CAB39L: variants seen among roughly 807,000 people sequenced by gnomAD.
CAB39L encodes the protein calcium-binding protein 39-like.
Under a neutral mutation model 39.1 loss-of-function variants are expected in CAB39L, and 23 were observed. That is an observed-to-expected ratio of 0.59 (90% confidence interval 0.42 to 0.83). The LOEUF is 0.83. Ranked by LOEUF, CAB39L falls within the 40% of genes least tolerant of loss-of-function variation. CAB39L has a pLI of 0.00. For missense variants in CAB39L, 366 were observed against 391.9 expected (o/e 0.93, Z 0.56); for synonymous variants, 126 against 137.2 (o/e 0.92, Z 0.57).
chr13:49,396,280 G>T (rs2138638402), intron 3 of CAB39L, among the ~76,000 whole-genome samples: 1 of 151,970 alleles, frequency 6.6e-6, no homozygotes, highest in East Asian at 1.9e-4. Flanking sequence ...CCTCACATAA[G>T]TTTATTTTAC....
chr13:49,439,252 T>C (rs1207939720), intron 1 of CAB39L, among the ~76,000 whole-genome samples: 2 of 152,174 alleles, frequency 1.3e-5, no homozygotes, highest in Non-Finnish European at 2.9e-5. Flanking sequence ...TTTCTTTTTT[T>C]CCCCTGAAAA....
At chr13:49,419,028 T>G (rs1957129095) in intron 3 of CAB39L, among the ~76,000 whole-genome samples, 1 of 152,182 alleles carries the variant, frequency 6.6e-6, no homozygotes, top group Non-Finnish European at 1.5e-5. Flanking sequence ...GGTGCAGTGG[T>G]GCGATCTCGG....
intron 9 of CAB39L, among the ~76,000 whole-genome samples, chr13:49,336,479 G>A (rs1465675220): frequency 6.6e-6 from 1 of 152,176 alleles, no homozygotes; most frequent in Non-Finnish European, 1.5e-5. Flanking sequence ...TGAAAAACAG[G>A]AAAGATGCCT....
chr13:49,427,590 G>A (rs1215739645), intron 3 of CAB39L, among the ~76,000 whole-genome samples: 1 of 151,694 alleles, frequency 6.6e-6, no homozygotes, highest in South Asian at 2.1e-4. Context: ...TTGGGAGACT[G>A]ATATGGGAAG....
chr13:49,329,990 C>T (rs548308364), intron 10 of CAB39L, among the ~76,000 whole-genome samples: 7 of 152,202 alleles, frequency 4.6e-5, no homozygotes, highest in African/African-American at 1.2e-4. Context: ...AGGGGCTAAA[C>T]GTGAATCTTG....
intron 3 of CAB39L, among the ~76,000 whole-genome samples, chr13:49,394,535 C>A (rs1278062709): frequency 6.6e-6 from 1 of 151,848 alleles, no homozygotes; most frequent in East Asian, 1.9e-4. Context: ...GGTAATCTGT[C>A]CTAGGAAAAT....
chr13:49,433,161 T>C (rs987330122), intron 3 of CAB39L, among the ~76,000 whole-genome samples, 157 bp downstream of exon 3: 1 of 152,220 alleles, frequency 6.6e-6, no homozygotes, highest in African/African-American at 2.4e-5. Flanking sequence ...GTCTATCATA[T>C]TGCTACAAAT....
intron 8 of CAB39L, among the ~76,000 whole-genome samples, chr13:49,343,187 CG>C (rs1955052068): frequency 6.6e-6 from 1 of 152,088 alleles, no homozygotes; most frequent in African/African-American, 2.4e-5. Flanking sequence ...GTAAAAGTAT[CG>C]TTGCTTTTGG....
chr13:49,357,392 C>CCT (rs1955516415), intron 6 of CAB39L, among the ~76,000 whole-genome samples: 1 of 152,130 alleles, frequency 6.6e-6, no homozygotes, highest in African/African-American at 2.4e-5. Context: ...ACAGCTGGCA[C>CCT]ATAGCAAACA....
At chr13:49,315,701 A>G (rs943926655) in intron 10 of CAB39L, among the ~76,000 whole-genome samples, 7 of 152,002 alleles carry the variant, frequency 4.6e-5, no homozygotes, top group Admixed American at 1.3e-4. Context: ...CCTGACCAAC[A>G]TGGTGAAACC....
chr13:49,338,314 T>C (rs1593938837), intron 9 of CAB39L, among the ~76,000 whole-genome samples: 2 of 151,926 alleles, frequency 1.3e-5, no homozygotes, highest in South Asian at 4.2e-4. Context: ...TGGAATACTA[T>C]GCAGCCATAA....
chr13:49,396,498 C>T (rs557014319), intron 3 of CAB39L, among the ~76,000 whole-genome samples: 1 of 152,252 alleles, frequency 6.6e-6, no homozygotes, highest in South Asian at 2.1e-4. Flanking sequence ...CACATGAGGT[C>T]AGGAGATTGA....
chr13:49,428,783 TG>T, intron 3 of CAB39L, among the ~76,000 whole-genome samples: 1 of 152,176 alleles, frequency 6.6e-6, no homozygotes, highest in East Asian at 1.9e-4. Flanking sequence ...TGGCATTTTT[TG>T]CCTCAATCAT....
chr13:49,346,120 T>TATATATATATATATATA (rs10663110), intron 7 of CAB39L, among the ~76,000 whole-genome samples: 3 of 88,482 alleles, frequency 3.4e-5, no homozygotes, highest in South Asian at 7.4e-4. Context: ...TATATATATA[T>TATATATATATATATATA]ATATCATGGA....
intron 3 of CAB39L, among the ~76,000 whole-genome samples, chr13:49,405,692 TGAAA>T (rs150254551): frequency 9.5e-4 from 93 of 97,928 alleles, no homozygotes; most frequent in Middle Eastern, 0.012. Flanking sequence ...AAGACCCTGC[TGAAA>T]GAAAGAAAGA....
intron 3 of CAB39L, among the ~76,000 whole-genome samples, chr13:49,398,275 A>T (rs1453776264): frequency 1.3e-5 from 2 of 152,116 alleles, no homozygotes; most frequent in African/African-American, 4.8e-5. Flanking sequence ...AGCAGTAAAG[A>T]TCTCTGTTTA....
In CAB39L at chr13:49,382,834, G is replaced by A. The variant is rs1490391053; in HGVS notation, c.77C>T (p.Ala26Val). The change falls in exon 4 of 11, where the codon GCC becomes GTC. Residue 26 changes from alanine to valine, a missense_variant. By Grantham distance (64) the Ala-to-Val change is moderately conservative (BLOSUM62 0). Coordinates refer to ENST00000409308, the MANE Select transcript of CAB39L (RefSeq NM_001079670.3). The stretch of plus-strand genomic sequence containing the variant: ...CTTTTTGTCTTGCTTTTCCAAAATG[G>A]CCAAATTGTCTTTCAGGATTTTCAC... ...EIVKILKDNLAILEKQDKKTD... is the reference protein window; with the variant it reads ...EIVKILKDNLVILEKQDKKTD... 1 of 1,610,702 alleles carries A rather than the reference G, an allele frequency of 6.2e-7. No individual in the cohort carries two copies. Among genetic ancestry groups the A allele is most frequent in the Non-Finnish European group, 8.5e-7 (1 of 1,178,402 alleles).
intron 8 of CAB39L, among the ~76,000 whole-genome samples, chr13:49,342,489 C>A (rs1178439629): frequency 6.6e-6 from 1 of 152,110 alleles, no homozygotes; most frequent in Non-Finnish European, 1.5e-5. Flanking sequence ...TTTAGAACTT[C>A]TTGGTTTAGG....
intron 3 of CAB39L, among the ~76,000 whole-genome samples, chr13:49,396,364 G>A (rs1268486971): frequency 6.6e-6 from 1 of 151,986 alleles, no homozygotes; most frequent in African/African-American, 2.4e-5. Flanking sequence ...TTAAGGCACA[G>A]GCACCTTCTG....
Sources: gnomAD v4.1 joint callset for allele counts (sites outside exome capture counted in the v4.1 genomes callset) on GRCh38, gnomAD v4.1.1 for gene constraint, MANE v1.5 for transcripts, NCBI Gene and HGNC (gene_info 2026-07-23, HGNC 2026-07-21) for gene names.